The following MAP2 variants were observed in gnomAD, a reference collection of about 807,000 sequenced individuals.
The protein encoded by MAP2 is microtubule-associated protein 2.
A neutral mutation model predicts 137.6 loss-of-function variants in MAP2; 14 were observed. The ratio of observed to expected loss-of-function variants is 0.10; its 90% confidence interval spans 0.07 to 0.16. MAP2 has a LOEUF of 0.16. Ranked by LOEUF, MAP2 falls within the 10% of genes least tolerant of loss-of-function variation. The pLI, the probability that MAP2 is intolerant of heterozygous loss-of-function variation, is 1.00. For synonymous variants in MAP2, 786 were observed against 782.3 expected, an observed-to-expected ratio of 1.00 and a Z score of -0.08; for missense variants, 2,088 against 2,191.5, an observed-to-expected ratio of 0.95 and a Z score of 0.94.
intron 1 of MAP2, among the ~76,000 whole-genome samples, chr2:209,432,068 G>A (rs988002266): frequency 2.6e-5 from 4 of 152,148 alleles, no homozygotes; most frequent in Admixed American, 2.0e-4. Flanking sequence ...CCTCCAGACT[G>A]ATTTGAGTCT....
chr2:209,645,319 C>G (rs1347412732), intron 4 of MAP2, among the ~76,000 whole-genome samples: 3 of 152,074 alleles, frequency 2.0e-5, no homozygotes, highest in African/African-American at 7.2e-5. Context: ...AGATAACCAA[C>G]CAAAATATGT....
intron 2 of MAP2, among the ~76,000 whole-genome samples, chr2:209,534,049 G>A (rs763519747): frequency 3.9e-5 from 6 of 152,152 alleles, no homozygotes; most frequent in Non-Finnish European, 7.3e-5. Flanking sequence ...CTACCCCAAA[G>A]GGCTATGCAA....
chr2:209,438,845 A>G (rs1020704266), intron 1 of MAP2, among the ~76,000 whole-genome samples: 1 of 151,460 alleles, frequency 6.6e-6, no homozygotes, highest in African/African-American at 2.4e-5. Context: ...ATCTAGGTAT[A>G]CATATATTCA....
At chr2:209,623,405 C>G (rs2091669689) in intron 3 of MAP2, among the ~76,000 whole-genome samples, 7 of 152,050 alleles carry the variant, frequency 4.6e-5, no homozygotes, top group Admixed American at 4.6e-4. Flanking sequence ...AGAATGTGTA[C>G]TCACACACTT....
In MAP2 at chr2:209,705,708, T is replaced by C; in HGVS notation, c.4713T>C (p.Ser1571=). The change falls in exon 12 of 16, where the codon TCT becomes TCC. Residue 1571 remains serine (S), a synonymous_variant. Coordinates refer to ENST00000682079, the MANE Select transcript of MAP2 (RefSeq NM_001375505.1). ...TCTCTCTCAACAGTTCTATCTCTTCTTCAGCACGGCGGACCACCAGTAGGT... is the reference window on the plus strand; with the variant it reads ...TCTCTCTCAACAGTTCTATCTCTTCCTCAGCACGGCGGACCACCAGTAGGT... ...NSFSLNSSIS[S]SARRTTRSEP... The C allele has an allele frequency of 6.2e-7, 1 of 1,612,848 alleles. No homozygotes were observed. Among genetic ancestry groups the C allele is most frequent in the East Asian group, 2.2e-5 (1 of 44,836 alleles).
chr2:209,460,948 C>T (rs1413385927), intron 1 of MAP2, among the ~76,000 whole-genome samples: 1 of 152,010 alleles, frequency 6.6e-6, no homozygotes, highest in Non-Finnish European at 1.5e-5. Flanking sequence ...AGGTTTTCAC[C>T]ATGTTGGCCA....
intron 2 of MAP2, among the ~76,000 whole-genome samples, chr2:209,526,425 C>T (rs1170048024): frequency 6.6e-6 from 1 of 151,304 alleles, no homozygotes; most frequent in Non-Finnish European, 1.5e-5. Flanking sequence ...CATGTGAGTA[C>T]ATAGAGAGAA....
chr2:209,717,273 C>G (rs1256175692), intron 13 of MAP2, among the ~76,000 whole-genome samples: 1 of 152,146 alleles, frequency 6.6e-6, no homozygotes. Context: ...CTCTCTCCTG[C>G]CACCATGTGA....
intron 1 of MAP2, among the ~76,000 whole-genome samples, chr2:209,467,864 C>CT (rs1210605761): frequency 6.6e-6 from 1 of 152,110 alleles, no homozygotes; most frequent in Non-Finnish European, 1.5e-5. Flanking sequence ...ATAATGGTAC[C>CT]TGTCTCATAG....
intron 13 of MAP2, among the ~76,000 whole-genome samples, chr2:209,723,375 T>C (rs1194913110): frequency 2.6e-5 from 4 of 152,194 alleles, no homozygotes; most frequent in Non-Finnish European, 5.9e-5. Flanking sequence ...ACAGTGGGAT[T>C]TCTTAGCCTC....
intron 3 of MAP2, among the ~76,000 whole-genome samples, chr2:209,588,650 G>A (rs1002320250): frequency 9.2e-5 from 14 of 151,946 alleles, no homozygotes; most frequent in Non-Finnish European, 1.9e-4. Context: ...TTTTCTCATG[G>A]TAAGATTTCA....
intron 5 of MAP2, among the ~76,000 whole-genome samples, chr2:209,676,573 GACT>G (rs1255927568): frequency 1.3e-5 from 2 of 151,228 alleles, no homozygotes; most frequent in Non-Finnish European, 3.0e-5. Flanking sequence ...GAGAGTCCCT[GACT>G]TGGGAAACCT....
chr2:209,535,306 G>A (rs575758809), intron 2 of MAP2, among the ~76,000 whole-genome samples: 24 of 152,242 alleles, frequency 1.6e-4, no homozygotes, highest in African/African-American at 2.9e-4. Flanking sequence ...CCTTGATGCC[G>A]ATAACAGGTG....
chr2:209,453,640 G>T (rs1020406121), intron 1 of MAP2, among the ~76,000 whole-genome samples: 4 of 151,986 alleles, frequency 2.6e-5, no homozygotes, highest in African/African-American at 9.7e-5. Flanking sequence ...CAAATAAAAA[G>T]ATTACATAAT....
chr2:209,578,059 G>C (rs2075625730), intron 2 of MAP2, among the ~76,000 whole-genome samples: 1 of 152,150 alleles, frequency 6.6e-6, no homozygotes, highest in Non-Finnish European at 1.5e-5. Context: ...CTTGCAAACA[G>C]AACAAAAGAG....
At chr2:209,566,594 A>G (rs2073461106) in intron 2 of MAP2, among the ~76,000 whole-genome samples, 1 of 152,188 alleles carries the variant, frequency 6.6e-6, no homozygotes, top group African/African-American at 2.4e-5. Flanking sequence ...TAACTCTCCT[A>G]ACACACATCA....
Position 209,695,394 on chromosome 2 carries a change from C to T in MAP2, c.3224C>T (p.Thr1075Ile). The T allele has an allele frequency of 5.6e-6, 9 of 1,613,166 alleles. No homozygotes were observed. The highest frequency in any genetic ancestry group is 7.6e-6 in the Non-Finnish European group (9 of 1,179,602). ...GCAACAGAGCTAAAACTTGAGGCTA[C>T]ACAGGACATGACCCCCTCATCCAAA... is the stretch of plus-strand genomic sequence containing the variant. ...RRATELKLEA[T>I]QDMTPSSKAP... Residue 1075 changes from threonine (T) to isoleucine (I), a missense_variant, in exon 8 of 16, where the codon ACA (threonine) becomes ATA (isoleucine). By Grantham distance (89) the Thr-to-Ile change is moderately conservative. Coordinates refer to ENST00000682079, the MANE Select transcript of MAP2 (RefSeq NM_001375505.1).
At chr2:209,698,511 G>C (rs114693118) in intron 10 of MAP2, among the ~76,000 whole-genome samples, 2,492 of 152,238 alleles carry the variant, frequency 0.016, 65 homozygotes, top group African/African-American at 0.057. Flanking sequence ...TTGTGAGAAA[G>C]AGAAAATCAA....
At chr2:209,612,692 T>C (rs920063354) in intron 3 of MAP2, among the ~76,000 whole-genome samples, 2 of 152,168 alleles carry the variant, frequency 1.3e-5, no homozygotes, top group African/African-American at 4.8e-5. Flanking sequence ...ATTTCAAGAC[T>C]TTTAGGTGAT....
Sources: gnomAD v4.1 joint callset for allele counts (sites outside exome capture counted in the v4.1 genomes callset) on GRCh38, gnomAD v4.1.1 for gene constraint, MANE v1.5 for transcripts, NCBI Gene and HGNC (gene_info 2026-07-23, HGNC 2026-07-21) for gene names.